FHIT: variants seen among roughly 807,000 people sequenced by gnomAD.
The protein encoded by FHIT is bis(5'-adenosyl)-triphosphatase.
A neutral mutation model predicts 17.9 loss-of-function variants in FHIT; 19 were observed. The ratio of observed to expected loss-of-function variants is 1.06; its 90% CI spans 0.74 to 1.56. The LOEUF is 1.56. Among genes scored for constraint, FHIT ranks in the 40% most tolerant of loss-of-function variants. The probability of loss-of-function intolerance (pLI) is 0.00; values close to 1 mark genes in which losing one functional copy is unlikely to be tolerated. For synonymous variants in FHIT, 81 were observed against 69.7 expected (o/e 1.16, Z -0.81); for missense variants, 248 against 189.2 (o/e 1.31, Z -1.82).
At chr3:60,493,544 G>T (rs572765312) in intron 5 of FHIT, among the ~76,000 whole-genome samples, 3 of 152,200 alleles carry the variant, frequency 2.0e-5, no homozygotes, top group Non-Finnish European at 4.4e-5. Flanking sequence ...AAAGAAGTGT[G>T]CTTACATTTG....
chr3:60,433,888 G>C (rs1024732366), intron 5 of FHIT, among the ~76,000 whole-genome samples: 2 of 151,946 alleles, frequency 1.3e-5, no homozygotes, highest in African/African-American at 4.8e-5. Flanking sequence ...TCTGTTGACT[G>C]TTTCCTTTGC....
chr3:60,485,878 G>T (rs770476736), intron 5 of FHIT, among the ~76,000 whole-genome samples: 3 of 152,016 alleles, frequency 2.0e-5, no homozygotes, highest in Non-Finnish European at 4.4e-5. Context: ...TTCATATACA[G>T]ACCCCAACCT....
At chr3:60,790,581 G>GA (rs1436818251) in intron 4 of FHIT, among the ~76,000 whole-genome samples, 2 of 152,122 alleles carry the variant, frequency 1.3e-5, no homozygotes, top group African/African-American at 4.8e-5. Flanking sequence ...AGGATAGAGC[G>GA]AAACTTCCAT....
intron 5 of FHIT, among the ~76,000 whole-genome samples, chr3:60,475,458 G>C (rs1439352692): frequency 6.6e-6 from 1 of 152,166 alleles, no homozygotes; most frequent in Non-Finnish European, 1.5e-5. Context: ...TCCATCTTTA[G>C]AGAAACTCAT....
intron 5 of FHIT, among the ~76,000 whole-genome samples, chr3:60,114,489 C>CTTTTTTTT (rs1576129465): frequency 7.1e-4 from 44 of 61,582 alleles, no homozygotes; most frequent in African/African-American, 2.6e-3. Context: ...AAGAGAAATC[C>CTTTTTTTT]TTTTTTTTTT....
chr3:61,199,368 G>A (rs909591393), intron 2 of FHIT, among the ~76,000 whole-genome samples: 2 of 152,120 alleles, frequency 1.3e-5, no homozygotes, highest in Admixed American at 6.5e-5. Flanking sequence ...TTTATTCCAA[G>A]ATGTGGCTCA....
rs999712402 is a variant in FHIT at position 59,866,369 on chromosome 3, G to A, written c.348+55977C>T. 3.9e-5 allele frequency among the ~76,000 whole-genome samples: 6 copies of A among 152,176 alleles called. No homozygotes were observed. In the East Asian group the frequency reaches 5.8e-4, roughly 15 times the overall value. ...ACTGCTATTGGGTGAATAAAGAGAG[G>A]CATGGAAAAGATGAGGAAGGCAGAT... On this transcript the variant is annotated intron_variant, in intron 8 of 9. Coordinates refer to ENST00000492590, the MANE Select transcript of FHIT (RefSeq NM_002012.4).
At chr3:60,392,354 CCAG>C (rs1331250825) in intron 5 of FHIT, among the ~76,000 whole-genome samples, 5 of 152,072 alleles carry the variant, frequency 3.3e-5, no homozygotes, top group African/African-American at 1.2e-4. Context: ...CCAAAATAAA[CCAG>C]CAATTTACAA....
intron 2 of FHIT, among the ~76,000 whole-genome samples, chr3:61,115,594 C>T (rs889295067): frequency 6.6e-5 from 10 of 152,054 alleles, no homozygotes; most frequent in African/African-American, 2.2e-4. Flanking sequence ...AAGGGAAGTC[C>T]TGAGGGTGTG....
intron 8 of FHIT, among the ~76,000 whole-genome samples, chr3:59,839,407 C>T (rs1352862147): frequency 6.6e-6 from 1 of 152,042 alleles, no homozygotes; most frequent in African/African-American, 2.4e-5. Flanking sequence ...TTCACTATTT[C>T]ACAACAGTAC....
intron 1 of FHIT, among the ~76,000 whole-genome samples, chr3:61,240,811 G>C (rs1481900175): frequency 6.6e-6 from 1 of 152,224 alleles, no homozygotes; most frequent in East Asian, 1.9e-4. Flanking sequence ...CTGGCTACAA[G>C]TTAGAATCAC....
chr3:60,354,039 G>A (rs979091062), intron 5 of FHIT, among the ~76,000 whole-genome samples: 1 of 152,036 alleles, frequency 6.6e-6, no homozygotes, highest in Non-Finnish European at 1.5e-5. Flanking sequence ...TCACGATGAT[G>A]GGCTGGAGAA....
chr3:61,095,533 T>C (rs1056581349), intron 2 of FHIT, among the ~76,000 whole-genome samples: 2 of 152,250 alleles, frequency 1.3e-5, no homozygotes, highest in African/African-American at 4.8e-5. Context: ...GACTTGCATC[T>C]GCCCAATAAC....
intron 1 of FHIT, among the ~76,000 whole-genome samples, chr3:61,213,798 C>G (rs906900271): frequency 6.6e-6 from 1 of 152,068 alleles, no homozygotes; most frequent in African/African-American, 2.4e-5. Context: ...GAAATTATAA[C>G]AAATTGTCTC....
rs538439116 is a variant in FHIT at position 59,792,879 on chromosome 3, G to T, written c.349-40558C>A. Among the ~76,000 whole-genome samples the T allele has an allele frequency of 6.8e-5, 10 of 147,596 alleles. 2 individuals are homozygous for T. The South Asian group carries it at 2.0e-3, about 30-fold the overall frequency. Reference sequence around the variant, plus strand: ...TTGGAGGTCCTTATTTTTTGGGGGGGGGGGTCATGAACCTCCTTGAAAATC... The same window carrying T: ...TTGGAGGTCCTTATTTTTTGGGGGGTGGGGTCATGAACCTCCTTGAAAATC... On this transcript the variant is annotated intron_variant, in intron 8 of 9. Transcript: ENST00000492590.
At chr3:60,178,910 TG>T (rs1303166115) in intron 5 of FHIT, among the ~76,000 whole-genome samples, 1 of 152,172 alleles carries the variant, frequency 6.6e-6, no homozygotes, top group Non-Finnish European at 1.5e-5. Context: ...CGTTTTAGCT[TG>T]GGGACGATTT....
chr3:61,227,842 T>C (rs2040008027), intron 1 of FHIT, among the ~76,000 whole-genome samples: 1 of 152,164 alleles, frequency 6.6e-6, no homozygotes, highest in African/African-American at 2.4e-5. Context: ...ATTATTTTCT[T>C]TCCAAACTCA....
At chr3:60,038,193 A>G (rs1259828262) in intron 5 of FHIT, among the ~76,000 whole-genome samples, 1 of 152,188 alleles carries the variant, frequency 6.6e-6, no homozygotes, top group African/African-American at 2.4e-5. Flanking sequence ...TGTACACATA[A>G]TTTATACTCT....
intron 3 of FHIT, among the ~76,000 whole-genome samples, chr3:60,855,428 G>A (rs1412861193): frequency 5.3e-5 from 8 of 152,166 alleles, no homozygotes; most frequent in Admixed American, 1.3e-4. Context: ...TCATGTTAAC[G>A]CTTTGTGCTT....
Sources: allele counts gnomAD v4.1 joint callset (sites outside exome capture counted in the v4.1 genomes callset), GRCh38; gene constraint gnomAD v4.1.1; transcripts MANE v1.5; gene names NCBI Gene and HGNC (gene_info 2026-07-23, HGNC 2026-07-21).